GNL3L: variants seen among roughly 807,000 people sequenced by gnomAD.
GNL3L encodes the protein guanine nucleotide-binding protein-like 3-like protein.
In GNL3L, 4 loss-of-function variants were observed where a neutral mutation model predicts 42.9. The ratio of observed to expected loss-of-function variants is 0.09; its 90% CI spans 0.05 to 0.21. The LOEUF (loss-of-function observed/expected upper bound fraction) is 0.21, where lower values mean the gene tolerates loss of function less well. Among genes scored for constraint, GNL3L ranks in the 10% least tolerant of loss-of-function variants. The pLI, the probability that GNL3L is intolerant of heterozygous loss-of-function variation, is 1.00. For missense variants in GNL3L, 412 were observed against 481.7 expected (o/e 0.86, Z 1.36); for synonymous variants, 159 against 176.3 (o/e 0.90, Z 0.78).
intron 16 of GNL3L, among the ~76,000 whole-genome samples, chrX:54,588,679 G>A (rs1211222306): frequency 1.8e-5 from 2 of 111,362 alleles, no homozygotes; most frequent in Admixed American, 9.6e-5. Context: ...ACAAAAACTA[G>A]CCAGGCGTGG....
At chrX:54,613,405 A>G (rs1286125485) in intron 16 of GNL3L, among the ~76,000 whole-genome samples, 1 of 111,443 alleles carries the variant, frequency 9.0e-6, no homozygotes, top group African/African-American at 3.3e-5. Context: ...GATTAGCTTA[A>G]TAACTAACCT....
At chrX:54,595,688 A>C (rs1485666639) in intron 16 of GNL3L, among the ~76,000 whole-genome samples, 1 of 110,778 alleles carries the variant, frequency 9.0e-6, no homozygotes, top group African/African-American at 3.3e-5. Flanking sequence ...TTTTGAGGTT[A>C]TTTTCTAGAT....
chrX:54,627,125 C>T, the GNL3L span, among the ~76,000 whole-genome samples: 5 of 110,794 alleles, frequency 4.5e-5, no homozygotes, highest in Non-Finnish European at 9.4e-5. Flanking sequence ...TCTCCTGCCT[C>T]AGCCTCCCAA....
downstream of GNL3L, among the ~76,000 whole-genome samples, chrX:54,569,134 AAATTTTTGCTTGG>A (rs1423269345): frequency 8.9e-6 from 1 of 112,188 alleles, no homozygotes; most frequent in Non-Finnish European, 1.9e-5. Context: ...GTAATTTGAT[AAATTTTTGCTTGG>A]AATTTTTGCA....
intron 2 of GNL3L, among the ~76,000 whole-genome samples, chrX:54,536,345 G>C (rs1924423401): frequency 9.1e-6 from 1 of 110,398 alleles, no homozygotes; most frequent in Non-Finnish European, 1.9e-5. Context: ...CCAAAGTGCA[G>C]GGATTATAGC....
At chrX:54,645,765 C>T in the GNL3L span, among the ~76,000 whole-genome samples, 1,054 of 111,718 alleles carry the variant, frequency 9.4e-3, 6 homozygotes, top group Non-Finnish European at 0.014. Context: ...CCATCCATCC[C>T]TTCCATGTTT....
intron 1 of GNL3L, among the ~76,000 whole-genome samples, chrX:54,531,589 C>A (rs1485470836): frequency 1.8e-5 from 2 of 111,403 alleles, no homozygotes; most frequent in East Asian, 5.6e-4. Flanking sequence ...CTTCAACCAG[C>A]ATAAAAGATG....
the GNL3L span, among the ~76,000 whole-genome samples, chrX:54,645,326 A>G: frequency 8.9e-6 from 1 of 111,830 alleles, no homozygotes; most frequent in East Asian, 2.8e-4. Flanking sequence ...TCAGCATGAT[A>G]CTGGTTTTCG....
At chrX:54,541,828 G>T (rs770884429) in intron 5 of GNL3L, among the ~76,000 whole-genome samples, 5 of 111,345 alleles carry the variant, frequency 4.5e-5, no homozygotes, top group Non-Finnish European at 7.5e-5. Context: ...CAGAATACAC[G>T]CTTGCCAGCT....
intron 16 of GNL3L, among the ~76,000 whole-genome samples, chrX:54,588,785 A>G (rs1399165556): frequency 8.9e-6 from 1 of 111,920 alleles, no homozygotes; most frequent in African/African-American, 3.2e-5. Context: ...AGATCGCGCT[A>G]CGGCTCAAAA....
chrX:54,551,847 G>A lies in GNL3L; in HGVS notation c.1054G>A (p.Gly352Ser). ...CNLEEISNYY[G>S]VSGFQTTEHF... ...CCTTCACCAGATTTCCAACTATTAT[G>A]GCGTCTCTGGGTTCCAGACCACTGA... Residue 352 changes from glycine to serine, a missense_variant, in exon 12 of 16, where the codon GGC (glycine) becomes AGC (serine). Physicochemically the swap from Gly to Ser is moderately conservative, Grantham distance 56. Coordinates refer to ENST00000360845, the MANE Select transcript of GNL3L (RefSeq NM_001184819.2). 3 of 1,211,488 alleles carry A rather than the reference G, an allele frequency of 2.5e-6. No homozygotes were observed. The highest frequency in any genetic ancestry group is 2.3e-4 in the Middle Eastern group (1 of 4,351).
intron 16 of GNL3L, among the ~76,000 whole-genome samples, chrX:54,607,097 CTTTCTT>C (rs1926101909): frequency 9.0e-5 from 5 of 55,534 alleles, no homozygotes; most frequent in East Asian, 5.4e-4. Context: ...TTCTTTCTTT[CTTTCTT>C]TCTTTCTTTC....
intron 16 of GNL3L, among the ~76,000 whole-genome samples, chrX:54,584,960 A>G (rs918264982): frequency 3.6e-5 from 4 of 111,231 alleles, no homozygotes; most frequent in African/African-American, 1.3e-4. Context: ...TAGTTTATGT[A>G]TTTTTAGTAG....
chrX:54,607,082 CTTCTTTCTTTCTT>C lies in GNL3L; in HGVS notation c.*46-13761_*46-13749del, dbSNP rs1926098750. 6.1e-3 allele frequency among the ~76,000 whole-genome samples: 135 copies of C among 21,995 alleles called. 4 individuals carry two copies. The highest frequency in any genetic ancestry group is 0.012 in the South Asian group (4 of 336). 19.1% of individuals were successfully genotyped at this position (21,995 alleles called of 115,157 possible). ...TTTCTTTCTTTCTTTCTCTTTCTTT[CTTCTTTCTTTCTT>C]TCTTTCTTTCTTTCTTTCTTTCTTT... is the stretch of plus-strand genomic sequence containing the variant. On this transcript the variant is annotated intron_variant, in intron 16 of 16. Transcript: ENST00000674498.
At chrX:54,533,333 A>C (rs1321819563) in intron 2 of GNL3L, among the ~76,000 whole-genome samples, 1 of 105,281 alleles carries the variant, frequency 9.5e-6, no homozygotes, top group Admixed American at 1.1e-4. Context: ...ATGCCACTGC[A>C]CTCCAGTCTG....
At chrX:54,628,213 G>GT in the GNL3L span, among the ~76,000 whole-genome samples, 7 of 45,152 alleles carry the variant, frequency 1.6e-4, no homozygotes, top group African/African-American at 2.4e-3. Context: ...GTATTCCGTG[G>GT]TGTGTGTGTG....
rs755472944 is a variant in GNL3L, at chrX:54,547,583, T to C, written c.631-646T>C. 1.3e-4 allele frequency among the ~76,000 whole-genome samples: 14 copies of C among 110,951 alleles called. No homozygotes were observed. In the East Asian group the frequency reaches 3.8e-3, roughly 30 times the overall value. On this transcript the variant is annotated intron_variant, in intron 8 of 15. Coordinates refer to ENST00000360845, the MANE Select transcript of GNL3L (RefSeq NM_001184819.2). ...AGCCGGGTGTGGTGGTGCATGCCTG[T>C]AGTCCCAGCTACTTGGGATGTTGAG...
chrX:54,531,268 G>C (rs748973814), intron 1 of GNL3L, among the ~76,000 whole-genome samples: 1 of 105,083 alleles, frequency 9.5e-6, no homozygotes, highest in Non-Finnish European at 1.9e-5. Flanking sequence ...CTCCCCCAAA[G>C]ATTTAGAATC....
chrX:54,614,936 A>T (rs1320501396), intron 16 of GNL3L, among the ~76,000 whole-genome samples: 2 of 111,315 alleles, frequency 1.8e-5, no homozygotes, highest in Non-Finnish European at 3.8e-5. Flanking sequence ...TCCGTCCGCC[A>T]TGATTGCCAA....
Sources: gnomAD v4.1 joint callset for allele counts (sites outside exome capture counted in the v4.1 genomes callset) on GRCh38, gnomAD v4.1.1 for gene constraint, MANE v1.5 for transcripts, NCBI Gene and HGNC (gene_info 2026-07-23, HGNC 2026-07-21) for gene names.